The following NDST4 variants were observed in gnomAD, a reference collection of about 807,000 sequenced individuals.
The protein encoded by NDST4 is N-deacetylase and N-sulfotransferase 4.
NDST4 carries 63 observed loss-of-function variants against 100.8 expected under a neutral mutation model. The observed-to-expected ratio is 0.62, with a 90% CI of 0.51 to 0.77. The LOEUF is 0.77. Ranked by LOEUF, NDST4 falls within the 30% of genes least tolerant of loss-of-function variation. NDST4 has a pLI of 0.00. For missense variants in NDST4, 943 were observed against 1,018.4 expected (o/e 0.93, Z 1.01); for synonymous variants, 377 against 361.8 (o/e 1.04, Z -0.48).
rs146199154 is a variant in NDST4 at position 114,972,087 on chromosome 4, C to G, written c.1067-1503G>C. 3.4e-3 allele frequency among the ~76,000 whole-genome samples: 524 copies of G among 152,072 alleles called. 3 individuals carry two copies. Among genetic ancestry groups the G allele is most frequent in the African/African-American group, 0.012 (498 of 41,510 alleles). Reference sequence around the variant, plus strand: ...GCTGTGTTTTGAATTTATATGTATTCACACTGTTTTAGAAACTTTGCCTGC... The same window carrying G: ...GCTGTGTTTTGAATTTATATGTATTGACACTGTTTTAGAAACTTTGCCTGC... On this transcript the variant is annotated intron_variant, in intron 3 of 13. Transcript: ENST00000264363.
chr4:115,065,599 C>T (rs948552454), intron 2 of NDST4, among the ~76,000 whole-genome samples: 6 of 151,922 alleles, frequency 3.9e-5, no homozygotes, highest in Admixed American at 2.6e-4. Context: ...AAGATACAAT[C>T]ATTAGTATGA....
rs1337640544 is a variant in NDST4, at chr4:115,009,280, T to A, written c.979-32006A>T. Among the ~76,000 whole-genome samples, 20 of 128,848 alleles carry A rather than the reference T, an allele frequency of 1.6e-4. 6 individuals carry two copies. Among genetic ancestry groups the A allele is most frequent in the African/African-American group, 4.7e-4 (16 of 33,970 alleles). 84.5% of individuals were successfully genotyped at this position (128,848 alleles called of 152,430 possible). A position where few individuals can be genotyped will look rare whatever the true frequency, so the allele number is the denominator to read the frequency against. On this transcript the variant is annotated intron_variant, in intron 2 of 13. Transcript: ENST00000264363. ...GGAGGCATCACGCTACCTAACTTCA[T>A]ACTATACTACAAGGCTACAGTAACC...
chr4:114,982,701 C>A (rs1726804000), intron 2 of NDST4, among the ~76,000 whole-genome samples: 1 of 152,184 alleles, frequency 6.6e-6, no homozygotes, highest in Non-Finnish European at 1.5e-5. Flanking sequence ...AAGCCAGCTG[C>A]AGACACTTGC....
chr4:114,912,980 C>T (rs376772583), intron 6 of NDST4, among the ~76,000 whole-genome samples: 183 of 151,918 alleles, frequency 1.2e-3, no homozygotes, highest in African/African-American at 4.2e-3. Context: ...ATTTTAAATT[C>T]TCAATGTTAT....
chr4:115,089,954 T>G (rs1355062649), intron 1 of NDST4, among the ~76,000 whole-genome samples: 2 of 151,670 alleles, frequency 1.3e-5, no homozygotes, highest in Non-Finnish European at 1.5e-5. Flanking sequence ...ATCTATTTAT[T>G]TATATTAATT....
intron 6 of NDST4, among the ~76,000 whole-genome samples, chr4:114,929,113 C>CATCCATCCATCTATCT (rs1578395038): frequency 6.3e-4 from 74 of 117,474 alleles, no homozygotes; most frequent in East Asian, 2.2e-3. Context: ...TCCATCCATC[C>CATCCATCCATCTATCT]ATCTATCTAT....
chr4:115,095,620 A>C (rs1314319548), intron 1 of NDST4, among the ~76,000 whole-genome samples: 1 of 152,058 alleles, frequency 6.6e-6, no homozygotes, highest in Non-Finnish European at 1.5e-5. Flanking sequence ...GCAATTACCA[A>C]CTAGTACCTG....
At chr4:114,917,311 C>T (rs998866635) in intron 6 of NDST4, among the ~76,000 whole-genome samples, 1 of 152,108 alleles carries the variant, frequency 6.6e-6, no homozygotes, top group Non-Finnish European at 1.5e-5. Context: ...ATGTGGTACT[C>T]ATATACAGAA....
At position 115,103,646 on chromosome 4, in the gene NDST4, A is replaced by T. The variant is rs527362649; in HGVS notation, c.-247+9798T>A. 2.6e-5 allele frequency among the ~76,000 whole-genome samples: 4 copies of T among 152,332 alleles called. No homozygotes were observed. In the South Asian group the frequency reaches 8.3e-4, roughly 32 times the overall value. On this transcript the variant is annotated intron_variant, in intron 1 of 13. Transcript: ENST00000264363. Reference sequence around the variant, plus strand: ...TTCTTTATCATAAGAGGCATACTCCATTCAATTTCACAGGTAAACCTGCTA... The same window carrying T: ...TTCTTTATCATAAGAGGCATACTCCTTTCAATTTCACAGGTAAACCTGCTA...
intron 2 of NDST4, among the ~76,000 whole-genome samples, chr4:114,985,489 T>C (rs968735696): frequency 1.3e-5 from 2 of 152,274 alleles, no homozygotes; most frequent in African/African-American, 4.8e-5. Context: ...TGAGCAACAC[T>C]CTAATTATTT....
At chr4:115,004,038 C>T (rs1385678562) in intron 2 of NDST4, among the ~76,000 whole-genome samples, 1 of 152,094 alleles carries the variant, frequency 6.6e-6, no homozygotes, top group Non-Finnish European at 1.5e-5. Flanking sequence ...TACCAAGACT[C>T]TGCTCTTTCT....
chr4:115,036,515 A>C (rs1277987871), intron 2 of NDST4, among the ~76,000 whole-genome samples: 1 of 151,796 alleles, frequency 6.6e-6, no homozygotes. Context: ...AATTTCATCT[A>C]GTCATTTCAG....
At chr4:115,088,184 T>G (rs1729445001) in intron 1 of NDST4, among the ~76,000 whole-genome samples, 1 of 151,902 alleles carries the variant, frequency 6.6e-6, no homozygotes, top group Non-Finnish European at 1.5e-5. Flanking sequence ...AAACAGAAAG[T>G]GAAGGTTGAA....
At chr4:115,086,605 C>T (rs1013117459) in intron 1 of NDST4, among the ~76,000 whole-genome samples, 3 of 152,020 alleles carry the variant, frequency 2.0e-5, no homozygotes, top group Admixed American at 1.3e-4. Flanking sequence ...AGGTTCATAG[C>T]TCTGAGCTAT....
At chr4:115,035,994 A>G (rs1404710569) in intron 2 of NDST4, among the ~76,000 whole-genome samples, 1 of 152,008 alleles carries the variant, frequency 6.6e-6, no homozygotes, top group Non-Finnish European at 1.5e-5. Context: ...ACAAGATAAT[A>G]ATTGGGACTC....
intron 1 of NDST4, among the ~76,000 whole-genome samples, chr4:115,082,358 T>C (rs74693444): frequency 0.015 from 2,296 of 152,280 alleles, 30 homozygotes; most frequent in Non-Finnish European, 0.026. Context: ...CACATAATCA[T>C]GGTAAATTTC....
chr4:115,060,247 G>T (rs1266505360), intron 2 of NDST4, among the ~76,000 whole-genome samples: 1 of 151,910 alleles, frequency 6.6e-6, no homozygotes, highest in African/African-American at 2.4e-5. Flanking sequence ...AAAGTTTATG[G>T]GTTTTAGGGT....
intron 6 of NDST4, among the ~76,000 whole-genome samples, chr4:114,920,384 A>G (rs1725263656): frequency 6.6e-6 from 1 of 152,180 alleles, no homozygotes; most frequent in Non-Finnish European, 1.5e-5. Flanking sequence ...TTGCAGGAGG[A>G]TGGCAATTTT....
At chr4:115,012,026 G>T (rs1027258915) in intron 2 of NDST4, among the ~76,000 whole-genome samples, 2 of 151,824 alleles carry the variant, frequency 1.3e-5, no homozygotes, top group Admixed American at 6.6e-5. Flanking sequence ...GGAGTAAAGT[G>T]AATAAAGTAA....
Sources: allele counts gnomAD v4.1 joint callset (sites outside exome capture counted in the v4.1 genomes callset), GRCh38; gene constraint gnomAD v4.1.1; transcripts MANE v1.5; gene names NCBI Gene and HGNC (gene_info 2026-07-23, HGNC 2026-07-21).